The following VWA5A variants were observed in gnomAD, a reference collection of about 807,000 sequenced individuals.
VWA5A encodes von Willebrand factor A domain containing 5A.
In VWA5A, 77 loss-of-function variants were observed where a neutral mutation model predicts 84.6. The ratio of observed to expected loss-of-function variants is 0.91; its 90% CI spans 0.76 to 1.10. VWA5A has a LOEUF of 1.10. VWA5A is among the 50% of genes least tolerant of loss of function. The pLI is 0.00. For synonymous variants in VWA5A, 334 were observed against 350.1 expected (o/e 0.95, Z 0.51); for missense variants, 973 against 963.0 (o/e 1.01, Z -0.14).
rs1439685907 is a variant in VWA5A at position 124,123,085 on chromosome 11, A to G, written c.886A>G (p.Met296Val). Residue 296 changes from methionine (M) to valine (V), a missense_variant, in exon 8 of 19, where the codon ATG (methionine) becomes GTG (valine). Physicochemically the swap from Met to Val is conservative, Grantham distance 21. Coordinates refer to ENST00000456829, the MANE Select transcript of VWA5A (RefSeq NM_001130142.2). ...MDRSGSMQSP[M>V]SSQDTSQLRI... ...CCGCTCGGGAAGTATGCAGAGCCCC[A>G]TGAGTAGCCAGGATACATCTCAGCT... is the stretch of plus-strand genomic sequence containing the variant. 21 of 1,613,924 alleles carry G rather than the reference A, an allele frequency of 1.3e-5. No individual in the cohort carries two copies. The highest frequency in any genetic ancestry group is 3.3e-5 in the Admixed American group (2 of 59,986).
At chr11:124,128,326 T>C (rs1865049275) in intron 11 of VWA5A, among the ~76,000 whole-genome samples, 1 of 152,208 alleles carries the variant, frequency 6.6e-6, no homozygotes, top group African/African-American at 2.4e-5. Context: ...TGGTTGTAGA[T>C]GTGTGTCATT....
intron 16 of VWA5A, 137 bp from the exon 17 acceptor site, chr11:124,142,305 G>A: frequency 8.4e-7 from 1 of 1,194,028 alleles, no homozygotes; most frequent in South Asian, 1.5e-5. Flanking sequence ...CCGATCTTCT[G>A]GATGTTGTCT....
At position 124,146,461 on chromosome 11, in the gene VWA5A, A is replaced by C. The variant is rs975798496; in HGVS notation, c.*516A>C. ...TCAAGATCACAAAGACAGAGACTGC[A>C]GGGGTCCACTGTGAGAGGTGACACT... On this transcript the variant is annotated 3_prime_UTR_variant, in exon 19 of 19. Coordinates refer to ENST00000456829, the MANE Select transcript of VWA5A (RefSeq NM_001130142.2). 1 of 153,688 alleles carries C rather than the reference A, an allele frequency of 6.5e-6. No individual in the cohort carries two copies. Among genetic ancestry groups the C allele is most frequent in the African/African-American group, 2.4e-5 (1 of 41,472 alleles). 9.5% of individuals were successfully genotyped at this position (153,688 alleles called of 1,614,324 possible). A position where few individuals can be genotyped will look rare whatever the true frequency, so the allele number is the denominator to read the frequency against.
intron 12 of VWA5A, among the ~76,000 whole-genome samples, chr11:124,135,632 G>T (rs997805025): frequency 7.3e-6 from 1 of 136,776 alleles, no homozygotes; most frequent in Non-Finnish European, 1.5e-5. Flanking sequence ...CCGGGTTCAC[G>T]CCATTCTCCT....
chr11:124,143,310 T>C (rs1411325842), intron 17 of VWA5A, among the ~76,000 whole-genome samples: 1 of 152,222 alleles, frequency 6.6e-6, no homozygotes, highest in African/African-American at 2.4e-5. Context: ...TTGTTAGGCA[T>C]GAGACAGGTG....
chr11:124,124,243 G>A lies in VWA5A; in HGVS notation c.1171G>A (p.Val391Ile). The change falls in exon 11 of 19, where the codon GTC becomes ATC. Residue 391 changes from valine to isoleucine, a missense_variant. Transcript: ENST00000456829. Reference protein sequence around the residue: ...SIPGHPLQLFVFTDGEVTDTF... With the variant: ...SIPGHPLQLFIFTDGEVTDTF... ...ATTTTCTTTCTTTGTATAGCTTTTT[G>A]TCTTTACAGATGGAGAAGTTACAGA... 6.2e-7 allele frequency: 1 copy of A among 1,613,228 alleles called. No homozygotes were observed. The highest frequency in any genetic ancestry group is 8.5e-7 in the Non-Finnish European group (1 of 1,179,678).
chr11:124,137,413 T>A, intron 15 of VWA5A, 145 bp downstream of exon 15: 2 of 1,149,628 alleles, frequency 1.7e-6, no homozygotes, highest in Non-Finnish European at 2.4e-6. Flanking sequence ...TGGTTAGTGT[T>A]AAATTTTTCT....
intron 11 of VWA5A, among the ~76,000 whole-genome samples, chr11:124,134,436 G>T (rs1422951890): frequency 6.6e-6 from 1 of 152,160 alleles, no homozygotes; most frequent in African/African-American, 2.4e-5. Context: ...CATGGACTAA[G>T]GCAGGGCAAG....
chr11:124,116,886 C>T (rs552858814), intron 2 of VWA5A, among the ~76,000 whole-genome samples: 1 of 152,080 alleles, frequency 6.6e-6, no homozygotes, highest in Non-Finnish European at 1.5e-5. Flanking sequence ...AAAAGAAAAG[C>T]CACAAGGTAA....
intron 17 of VWA5A, among the ~76,000 whole-genome samples, chr11:124,144,879 T>TG (rs1303596986): frequency 2.0e-5 from 3 of 152,084 alleles, no homozygotes; most frequent in South Asian, 2.1e-4. Context: ...ATTTCTTTGG[T>TG]GGGGGGGTAT....
intron 11 of VWA5A, among the ~76,000 whole-genome samples, chr11:124,133,532 T>C (rs976725121): frequency 6.6e-6 from 1 of 152,218 alleles, no homozygotes; most frequent in Middle Eastern, 3.2e-3. Flanking sequence ...AAATATTGTA[T>C]ACAGCTTTCC....
At chr11:124,136,747 TCA>T in intron 14 of VWA5A, 73 bp downstream of exon 14, 1 of 1,114,090 alleles carries the variant, frequency 9.0e-7, no homozygotes, top group Non-Finnish European at 1.2e-6. Flanking sequence ...CTTCCTTCCT[TCA>T]TTCCCTCCCT....
chr11:124,118,851 C>T, intron 6 of VWA5A, 124 bp from the exon 7 acceptor site: 1 of 1,338,964 alleles, frequency 7.5e-7, no homozygotes, highest in Non-Finnish European at 1.0e-6. Flanking sequence ...CCAGAGCCTT[C>T]TCTCCAGCCT....
At chr11:124,125,196 G>C (rs911834666) in intron 11 of VWA5A, among the ~76,000 whole-genome samples, 1 of 151,842 alleles carries the variant, frequency 6.6e-6, no homozygotes, top group African/African-American at 2.4e-5. Flanking sequence ...AATTGTAGGA[G>C]TGTTCCAATC....
intron 11 of VWA5A, among the ~76,000 whole-genome samples, chr11:124,131,527 A>G (rs1865097352): frequency 6.6e-6 from 1 of 152,014 alleles, no homozygotes; most frequent in Admixed American, 6.6e-5. Flanking sequence ...AGAGGGCTTC[A>G]TGCATTTTTT....
At chr11:124,126,172 T>C (rs927401645) in intron 11 of VWA5A, among the ~76,000 whole-genome samples, 2 of 152,228 alleles carry the variant, frequency 1.3e-5, no homozygotes, top group Non-Finnish European at 2.9e-5. Flanking sequence ...TAGTGATAAG[T>C]CCTCAATTTT....
chr11:124,118,794 A>G, intron 6 of VWA5A, 86 bp downstream of exon 6: 1 of 1,503,144 alleles, frequency 6.7e-7, no homozygotes, highest in Non-Finnish European at 9.0e-7. Flanking sequence ...CCCAAGTGGT[A>G]ACCCAGAGGG....
At chr11:124,144,576 A>T (rs868118879) in intron 17 of VWA5A, among the ~76,000 whole-genome samples, 18 of 152,370 alleles carry the variant, frequency 1.2e-4, no homozygotes, top group Middle Eastern at 6.8e-3. Flanking sequence ...AGGACATGAT[A>T]GCCATTTCCA....
chr11:124,136,655 C>T lies in VWA5A; in HGVS notation c.1606C>T (p.Gln536Ter), dbSNP rs1860592442. Reference sequence around the variant, plus strand: ...TGAGGATAAGGTGACATTTCCTCTACAACCCAAGCCTGATGTCAAGTGAGA... The same window carrying T: ...TGAGGATAAGGTGACATTTCCTCTATAACCCAAGCCTGATGTCAAGTGAGA... ...TFEDKVTFPL[Q>*]PKPDVNLTIH... Residue 536 changes from glutamine to a stop codon, truncating the protein, a stop_gained, in exon 14 of 19, where the codon CAA (glutamine) becomes TAA (stop). Transcript: ENST00000456829. LOFTEE classifies it high-confidence loss of function. 6.2e-7 allele frequency: 1 copy of T among 1,613,776 alleles called. No individual in the cohort carries two copies. The highest frequency in any genetic ancestry group is 8.5e-7 in the Non-Finnish European group (1 of 1,179,896).
Sources: gnomAD v4.1 joint callset for allele counts (sites outside exome capture counted in the v4.1 genomes callset) on GRCh38, gnomAD v4.1.1 for gene constraint, MANE v1.5 for transcripts, NCBI Gene and HGNC (gene_info 2026-07-23, HGNC 2026-07-21) for gene names.